The following B4GALNT1 variants were observed in gnomAD, a reference collection of about 807,000 sequenced individuals.
The protein encoded by B4GALNT1 is beta-1,4-N-acetyl-galactosaminyltransferase 1.
B4GALNT1 carries 43 observed loss-of-function variants against 55.2 expected under a neutral mutation model. The ratio of observed to expected loss-of-function variants is 0.78; its 90% CI spans 0.61 to 1.00. The LOEUF is 1.00. B4GALNT1 is among the 50% of genes least tolerant of loss of function. The probability of loss-of-function intolerance (pLI) is 0.00; values close to 1 mark genes in which losing one functional copy is unlikely to be tolerated. For synonymous variants in B4GALNT1, 305 were observed against 311.6 expected (o/e 0.98, Z 0.22); for missense variants, 664 against 729.7 (o/e 0.91, Z 1.04).
At chr12:57,627,380 C>G (rs1201687442) in intron 10 of B4GALNT1, among the ~76,000 whole-genome samples, 1 of 149,292 alleles carries the variant, frequency 6.7e-6, no homozygotes, top group Non-Finnish European at 1.5e-5. Flanking sequence ...TACCCTAGAA[C>G]TTAAAGTATA....
In B4GALNT1 at chr12:57,626,596, G is replaced by A; in HGVS notation, c.*148C>T. 1.1e-6 allele frequency: 1 copy of A among 905,812 alleles called. No homozygotes were observed. Among genetic ancestry groups the A allele is most frequent in the Non-Finnish European group, 1.7e-6 (1 of 577,914 alleles). The allele number at this position is 905,812 out of a possible 1,614,324, so 56.1% of individuals were successfully genotyped here. On this transcript the variant is annotated 3_prime_UTR_variant, in exon 11 of 11. Transcript: ENST00000341156. ...GGTGTCACCAGGACAACCCCTACTGGGCATCAGGTTCTGAAAAGGAAGAGT... is the reference window on the plus strand; with the variant it reads ...GGTGTCACCAGGACAACCCCTACTGAGCATCAGGTTCTGAAAAGGAAGAGT...
intron 6 of B4GALNT1, chr12:57,629,940 G>C: frequency 6.5e-7 from 1 of 1,536,334 alleles, no homozygotes; most frequent in Non-Finnish European, 8.7e-7. Context: ...CCCAAGGCTC[G>C]GGTTTCCCTC....
intron 2 of B4GALNT1, 57 bp from the exon 3 acceptor site, chr12:57,631,421 C>T: frequency 6.3e-7 from 1 of 1,589,162 alleles, no homozygotes; most frequent in South Asian, 1.1e-5. Context: ...TCCATTCATC[C>T]CATAAACACT....
rs1884732188 is a variant in B4GALNT1, at chr12:57,625,347, C to A, written c.*1397G>T. On this transcript the variant is annotated 3_prime_UTR_variant, in exon 11 of 11. Coordinates refer to ENST00000341156, the MANE Select transcript of B4GALNT1 (RefSeq NM_001478.5). ...AGGGAGAGGGTAGGTTGAGGAGAAACCCCTTAGCATCTCACTCATACCCTC... is the reference window on the plus strand; with the variant it reads ...AGGGAGAGGGTAGGTTGAGGAGAAAACCCTTAGCATCTCACTCATACCCTC... 3.1e-6 allele frequency: 5 copies of A among 1,614,014 alleles called. No individual in the cohort carries two copies. The East Asian group carries it at 8.9e-5, about 29-fold the overall frequency.
At chr12:57,629,953 G>C (rs1165241581) in intron 6 of B4GALNT1, 199 bp downstream of exon 6, 1 of 1,536,500 alleles carries the variant, frequency 6.5e-7, no homozygotes, top group African/African-American at 1.4e-5. Flanking sequence ...TTTCCCTCTG[G>C]CCTGCTCCAG....
rs768952054 is a variant in B4GALNT1 at position 57,623,854 on chromosome 12, T to C, written c.*2890A>G. 63 of 1,613,996 alleles carry C rather than the reference T, an allele frequency of 3.9e-5. No individual in the cohort carries two copies. Among genetic ancestry groups the C allele is most frequent in the Non-Finnish European group, 5.1e-5 (60 of 1,180,012 alleles). The stretch of plus-strand genomic sequence containing the variant: ...TCTCTAGCTGGCAGGCCTCTTCTCC[T>C]GCACAGTGGTCCTGTCGGTGCTGCT... On this transcript the variant is annotated 3_prime_UTR_variant, in exon 11 of 11. Coordinates refer to ENST00000341156, the MANE Select transcript of B4GALNT1 (RefSeq NM_001478.5).
rs1407558226 is a variant in B4GALNT1, at chr12:57,628,248, G to A, written c.1017C>T (p.Gly339=). ...TTACTTGAGACACGGCCAGGTTCCG[G>A]CCTGCGAACCAGCCCTGGCAGAAAG... is the stretch of plus-strand genomic sequence containing the variant. ...LMPFGKGWFA[G]RNLAVSQVTT... The change falls in exon 9 of 11, where the codon GGC becomes GGT. Residue 339 remains glycine (G), a synonymous_variant. Coordinates refer to ENST00000341156, the MANE Select transcript of B4GALNT1 (RefSeq NM_001478.5). 6.2e-7 allele frequency: 1 copy of A among 1,614,140 alleles called. No individual in the cohort carries two copies. Among genetic ancestry groups the A allele is most frequent in the Admixed American group, 1.7e-5 (1 of 60,014 alleles).
chr12:57,627,094 A>T (rs1409687891), intron 10 of B4GALNT1, 133 bp from the exon 11 acceptor site: 1 of 725,776 alleles, frequency 1.4e-6, no homozygotes, highest in African/African-American at 1.8e-5. Context: ...TGAGCATGTA[A>T]ATCAACTCCC....
In B4GALNT1 at chr12:57,631,097, A is replaced by G. The variant is rs1470413919; in HGVS notation, c.384-11T>C. On this transcript the variant is annotated splice_polypyrimidine_tract_variant and intron_variant, in intron 3 of 10. Transcript: ENST00000341156. ...GCTGGGGACTGGCTCCTGGCAGTGGAGGAAGGAGAGGACAGAGCAGAGTCG... is the reference window on the plus strand; with the variant it reads ...GCTGGGGACTGGCTCCTGGCAGTGGGGGAAGGAGAGGACAGAGCAGAGTCG... The G allele has an allele frequency of 1.9e-6, 3 of 1,609,568 alleles. No homozygotes were observed. Among genetic ancestry groups the G allele is most frequent in the Non-Finnish European group, 1.7e-6 (2 of 1,177,934 alleles).
chr12:57,631,440 AC>A (rs1244942222), intron 2 of B4GALNT1, 76 bp from the exon 3 acceptor site: 2 of 1,519,974 alleles, frequency 1.3e-6, no homozygotes, highest in Non-Finnish European at 1.8e-6. Context: ...CTGACACAGC[AC>A]CCCACACCTT....
At position 57,623,685 on chromosome 12, in the gene B4GALNT1, G is replaced by T. The variant is rs536025780; in HGVS notation, c.*3059C>A. 9.8e-5 allele frequency: 63 copies of T among 640,626 alleles called. 1 individual carries two copies. The South Asian group carries it at 1.2e-3, about 12-fold the overall frequency. The allele number at this position is 640,626 out of a possible 1,614,324, so 39.7% of individuals were successfully genotyped here. Reference sequence around the variant, plus strand: ...GGGAGCGGGAGGGTTAGATGTGAATGGCAGAATATTAAGAAGGGGGTTGTG... The same window carrying T: ...GGGAGCGGGAGGGTTAGATGTGAATTGCAGAATATTAAGAAGGGGGTTGTG... On this transcript the variant is annotated 3_prime_UTR_variant, in exon 11 of 11. Coordinates refer to ENST00000341156, the MANE Select transcript of B4GALNT1 (RefSeq NM_001478.5).
Position 57,630,218 on chromosome 12 carries a change from G to C in B4GALNT1, c.646C>G (p.Leu216Val). The change falls in exon 6 of 11, where the codon CTC becomes GTC. Residue 216 changes from leucine (L) to valine (V), a missense_variant. Coordinates refer to ENST00000341156, the MANE Select transcript of B4GALNT1 (RefSeq NM_001478.5). ...LTLVSPGLDQLNRQLQLVTYS... is the reference protein window; with the variant it reads ...LTLVSPGLDQVNRQLQLVTYS... ...GTGACCAGTTGTAGTTGCCTGTTGA[G>C]TTGGTCCAGCCCTGGGCTGACAAGG... is the stretch of plus-strand genomic sequence containing the variant. The C allele has an allele frequency of 1.2e-6, 2 of 1,614,256 alleles. No homozygotes were observed. Among genetic ancestry groups the C allele is most frequent in the Non-Finnish European group, 1.7e-6 (2 of 1,180,038 alleles).
intron 7 of B4GALNT1, 46 bp downstream of exon 7, chr12:57,629,002 C>A: frequency 6.3e-7 from 1 of 1,590,654 alleles, no homozygotes; most frequent in Non-Finnish European, 8.6e-7. Context: ...CAACTTGCTC[C>A]CCACCAAGGC....
Position 57,626,934 on chromosome 12 carries a change from A to T in B4GALNT1, c.1412T>A (p.Leu471His). ...GACGTCGGAGCAGGAGCCAACCCGA[A>T]GGGAACCAAGCCCATCCAAGAAGAA... ...LEFFLDGLGSLRVGSCSDVVV... is the reference protein window; with the variant it reads ...LEFFLDGLGSHRVGSCSDVVV... The change falls in exon 11 of 11, where the codon CTT becomes CAT. Residue 471 changes from leucine (L) to histidine (H), a missense_variant. Leu to His is a moderately conservative substitution (Grantham distance 99). Coordinates refer to ENST00000341156, the MANE Select transcript of B4GALNT1 (RefSeq NM_001478.5). 6.2e-7 allele frequency: 1 copy of T among 1,614,176 alleles called. No individual in the cohort carries two copies. The highest frequency in any genetic ancestry group is 8.5e-7 in the Non-Finnish European group (1 of 1,180,000).
rs145592443 is a variant in B4GALNT1 at position 57,625,736 on chromosome 12, C to T, written c.*1008G>A. ...GCGGGAGCCAGGAGGCACTGGGCTG[C>T]GGCAAGTGAGGCAGGGGTAAGTGGC... On this transcript the variant is annotated 3_prime_UTR_variant, in exon 11 of 11. Coordinates refer to ENST00000341156, the MANE Select transcript of B4GALNT1 (RefSeq NM_001478.5). 219 of 1,524,370 alleles carry T rather than the reference C, an allele frequency of 1.4e-4. No homozygotes were observed. Among genetic ancestry groups the T allele is most frequent in the Middle Eastern group, 5.4e-4 (3 of 5,598 alleles). 94.4% of individuals were successfully genotyped at this position (1,524,370 alleles called of 1,614,324 possible). A position where few individuals can be genotyped will look rare whatever the true frequency, so the allele number is the denominator to read the frequency against.
rs746709835 is a variant in B4GALNT1 at position 57,624,172 on chromosome 12, C to A, written c.*2572G>T. The A allele has an allele frequency of 5.6e-6, 8 of 1,421,450 alleles. No homozygotes were observed. Among genetic ancestry groups the A allele is most frequent in the Middle Eastern group, 3.6e-4 (2 of 5,554 alleles). 88.1% of individuals were successfully genotyped at this position (1,421,450 alleles called of 1,614,324 possible). A position where few individuals can be genotyped will look rare whatever the true frequency, so the allele number is the denominator to read the frequency against. ...TCCCCAGCCTCTGCCCTGAACCAAACCTAATTGTCCTGGTCTTAAGTTCTG... is the reference window on the plus strand; with the variant it reads ...TCCCCAGCCTCTGCCCTGAACCAAAACTAATTGTCCTGGTCTTAAGTTCTG... On this transcript the variant is annotated 3_prime_UTR_variant, in exon 11 of 11. Coordinates refer to ENST00000341156, the MANE Select transcript of B4GALNT1 (RefSeq NM_001478.5).
Position 57,628,719 on chromosome 12 carries a change from G to A in B4GALNT1, c.996C>T (p.Phe332=), listed in dbSNP as rs376140415. The part of the protein sequence containing the change: ...GPYVEHYLMP[F]GKGWFAGRNL... ...CAGCCTGCTAGCTGCACACCTTGCC[G>A]AAGGGCATGAGATAGTGTTCCACGT... The change falls in exon 8 of 11, where the codon TTC becomes TTT. Residue 332 remains phenylalanine, a synonymous_variant. Transcript: ENST00000341156. 913 of 1,614,080 alleles carry A rather than the reference G, an allele frequency of 5.7e-4. No individual in the cohort carries two copies. Among genetic ancestry groups the A allele is most frequent in the Non-Finnish European group, 7.5e-4 (887 of 1,180,058 alleles).
At position 57,626,791 on chromosome 12, in the gene B4GALNT1, G is replaced by C. The variant is rs755171392; in HGVS notation, c.1555C>G (p.Arg519Gly). 1.9e-6 allele frequency: 3 copies of C among 1,614,216 alleles called. No homozygotes were observed. The highest frequency in any genetic ancestry group is 1.3e-5 in the African/African-American group (1 of 75,052). ...SLDESQMAKH[R>G]LLFFKHRLQC... The stretch of plus-strand genomic sequence containing the variant: ...AGCCGGTGTTTGAAGAAGAGCAGCC[G>C]GTGTTTGGCCATCTGGCTCTCGTCC... The change falls in exon 11 of 11, where the codon CGG becomes GGG. Residue 519 changes from arginine to glycine, a missense_variant. Coordinates refer to ENST00000341156, the MANE Select transcript of B4GALNT1 (RefSeq NM_001478.5).
At position 57,623,663 on chromosome 12, in the gene B4GALNT1, A is replaced by C; in HGVS notation, c.*3081T>G. On this transcript the variant is annotated 3_prime_UTR_variant, in exon 11 of 11. Coordinates refer to ENST00000341156, the MANE Select transcript of B4GALNT1 (RefSeq NM_001478.5). ...AATGGGCATTTAATTAATTGGGGGG[A>C]GCGGGAGGGTTAGATGTGAATGGCA... is the stretch of plus-strand genomic sequence containing the variant. The C allele has an allele frequency of 1.7e-6, 1 of 593,704 alleles. No homozygotes were observed. The highest frequency in any genetic ancestry group is 3.0e-6 in the Non-Finnish European group (1 of 335,596). 36.8% of individuals were successfully genotyped at this position (593,704 alleles called of 1,614,324 possible).
Sources: allele counts gnomAD v4.1 joint callset (sites outside exome capture counted in the v4.1 genomes callset), GRCh38; gene constraint gnomAD v4.1.1; transcripts MANE v1.5; gene names NCBI Gene and HGNC (gene_info 2026-07-23, HGNC 2026-07-21).